Variants in ZNF626 observed in about 807,000 individuals in gnomAD.
ZNF626 encodes the protein CTC-513N18.7.
A neutral mutation model predicts 11.7 loss-of-function variants in ZNF626; 4 were observed. That is an observed-to-expected ratio of 0.34 (90% CI 0.17 to 0.78). The LOEUF (loss-of-function observed/expected upper bound fraction) is 0.78, where lower values mean the gene tolerates loss of function less well. ZNF626 is among the 30% of genes least tolerant of loss of function. ZNF626 has a pLI of 0.57. For missense variants in ZNF626, 588 were observed against 587.1 expected (o/e 1.00, Z -0.01); for synonymous variants, 179 against 198.6 (o/e 0.90, Z 0.83).
At chr19:20,637,566 TAG>T (rs1456487016) in intron 3 of ZNF626, among the ~76,000 whole-genome samples, 4 of 151,682 alleles carry the variant, frequency 2.6e-5, no homozygotes, top group East Asian at 1.9e-4. Context: ...CTGGAAAATG[TAG>T]AGACATAGTT....
intron 1 of ZNF626, among the ~76,000 whole-genome samples, chr19:20,646,691 T>A (rs1410391596): frequency 6.6e-6 from 1 of 152,222 alleles, no homozygotes; most frequent in Non-Finnish European, 1.5e-5. Flanking sequence ...AGTGCTATAG[T>A]TACATTATAC....
At chr19:20,629,587 A>G (rs1438409004) in intron 3 of ZNF626, among the ~76,000 whole-genome samples, 7 of 151,746 alleles carry the variant, frequency 4.6e-5, no homozygotes, top group Admixed American at 2.6e-4. Flanking sequence ...TCTGTCTGTT[A>G]TTGGTATATA....
At chr19:20,657,235 G>A (rs1555773209) in intron 1 of ZNF626, among the ~76,000 whole-genome samples, 2 of 152,092 alleles carry the variant, frequency 1.3e-5, no homozygotes, top group African/African-American at 4.8e-5. Context: ...AATTGGCCAG[G>A]CATGGTAATG....
rs61741861 is a variant in ZNF626 at position 20,625,568 on chromosome 19, A to G, written c.309T>C (p.Tyr103=). Residue 103 remains tyrosine, a synonymous_variant, in exon 4 of 4, where the codon TAT becomes TAC. Transcript: ENST00000601440. ...DSFQKVVLRR[Y]EKCEHDNLQL... is the part of the protein sequence containing the mutation. ...GTAAATTGTCATGTTCACATTTTTC[A>G]TATCTTCTCAGTACCACTTTTTGGA... 0.095 allele frequency: 153,436 copies of G among 1,611,434 alleles called. 7,861 individuals carry two copies. The highest frequency in any genetic ancestry group is 0.17 in the Middle Eastern group (1,043 of 6,042).
chr19:20,649,934 C>T (rs557475910), intron 1 of ZNF626, among the ~76,000 whole-genome samples: 41 of 152,334 alleles, frequency 2.7e-4, no homozygotes, highest in African/African-American at 9.4e-4. Context: ...ATAAGGACAA[C>T]CCATCTCCAT....
chr19:20,632,192 C>G (rs1295061991), intron 3 of ZNF626, among the ~76,000 whole-genome samples: 1 of 152,192 alleles, frequency 6.6e-6, no homozygotes, highest in Non-Finnish European at 1.5e-5. Flanking sequence ...TTGTGGATAA[C>G]CCGAGCTTTC....
intron 3 of ZNF626, among the ~76,000 whole-genome samples, chr19:20,633,049 A>AGT (rs1555770528): frequency 1.3e-5 from 2 of 152,074 alleles, no homozygotes; most frequent in African/African-American, 4.8e-5. Flanking sequence ...CTGGAGGTCC[A>AGT]CTCCAGACAC....
At position 20,624,797 on chromosome 19, in the gene ZNF626, C is replaced by CT; in HGVS notation, c.1079dup (p.Arg361GlufsTer12). ...AGGGTTTCTCTCCAGTATGAATTCTCTTATGTGTAGTAAGGGTAGAGGAGT... is the reference window on the plus strand; with the variant it reads ...AGGGTTTCTCTCCAGTATGAATTCTCTTTATGTGTAGTAAGGGTAGAGGAGT... On this transcript the variant is annotated frameshift_variant, in exon 4 of 4. Coordinates refer to ENST00000601440, the MANE Select transcript of ZNF626 (RefSeq NM_001076675.3). LOFTEE classifies it low-confidence loss of function (END_TRUNC). 1 of 1,613,580 alleles carries CT rather than the reference C, an allele frequency of 6.2e-7. No individual in the cohort carries two copies. Among genetic ancestry groups the CT allele is most frequent in the South Asian group, 1.1e-5 (1 of 91,056 alleles).
chr19:20,626,297 T>C (rs1284281079), intron 3 of ZNF626, among the ~76,000 whole-genome samples: 4 of 152,182 alleles, frequency 2.6e-5, no homozygotes, highest in Admixed American at 6.5e-5. Context: ...CAGGTAGCAT[T>C]TTGTTAATGT....
intron 3 of ZNF626, chr19:20,644,566 G>A (rs1555771725): frequency 6.5e-6 from 1 of 155,012 alleles, no homozygotes; most frequent in African/African-American, 2.4e-5. Flanking sequence ...AAAACTTGAA[G>A]AGGTGTCTGC....
chr19:20,632,239 A>G (rs143479689), intron 3 of ZNF626, among the ~76,000 whole-genome samples: 21,888 of 152,082 alleles, frequency 0.14, 1,714 homozygotes, highest in Middle Eastern at 0.19. Flanking sequence ...CTTCATTTCA[A>G]CTTTGGTGAA....
At position 20,646,292 on chromosome 19, in the gene ZNF626, G is replaced by A. The variant is rs1970076506; in HGVS notation, c.117C>T (p.Asn39=). 1 of 1,613,796 alleles carries A rather than the reference G, an allele frequency of 6.2e-7. No individual in the cohort carries two copies. The highest frequency in any genetic ancestry group is 1.7e-5 in the Admixed American group (1 of 59,970). Residue 39 remains asparagine (N), a synonymous_variant, in exon 2 of 4, where the codon AAC becomes AAT. Transcript: ENST00000601440. ...YRNVMLENYS[N]LVFLGITVSK... is the part of the protein sequence containing the mutation. ...AGTTATCCTCACCAAGGAAGACCAGGTTACTGTAGTTCTCTAACATCACAT... is the reference window on the plus strand; with the variant it reads ...AGTTATCCTCACCAAGGAAGACCAGATTACTGTAGTTCTCTAACATCACAT...
At chr19:20,625,883 A>C (rs10422011) in intron 3 of ZNF626, among the ~76,000 whole-genome samples, 3,058 of 152,276 alleles carry the variant, frequency 0.02, 122 homozygotes, top group African/African-American at 0.071. Context: ...GCACAATGCA[A>C]ACGGCCAAAT....
chr19:20,635,055 C>T (rs1555770799), intron 3 of ZNF626, among the ~76,000 whole-genome samples: 1 of 152,112 alleles, frequency 6.6e-6, no homozygotes, highest in East Asian at 1.9e-4. Context: ...GAATCTCATT[C>T]AGTTTTCAAA....
chr19:20,634,666 G>A (rs782662492), intron 3 of ZNF626, among the ~76,000 whole-genome samples: 1 of 147,104 alleles, frequency 6.8e-6, no homozygotes. Flanking sequence ...ATCGAAAAAG[G>A]AGTAATATTG....
Position 20,625,532 on chromosome 19 carries a change from T to A in ZNF626, c.345A>T (p.Lys115Asn). 1.2e-6 allele frequency: 2 copies of A among 1,612,624 alleles called. No individual in the cohort carries two copies. Among genetic ancestry groups the A allele is most frequent in the Non-Finnish European group, 1.7e-6 (2 of 1,179,446 alleles). The part of the protein sequence containing the change: ...KCEHDNLQLK[K>N]GCISVDECKV... ...TACACTCATCCACACTTATACATCC[T>A]TTTTTTAACTGTAAATTGTCATGTT... Residue 115 changes from lysine to asparagine, a missense_variant, in exon 4 of 4, where the codon AAA (lysine) becomes AAT (asparagine). Coordinates refer to ENST00000601440, the MANE Select transcript of ZNF626 (RefSeq NM_001076675.3).
intron 3 of ZNF626, among the ~76,000 whole-genome samples, chr19:20,642,533 T>A (rs1284265427): frequency 2.0e-5 from 3 of 148,748 alleles, no homozygotes; most frequent in African/African-American, 5.0e-5. Context: ...AAGGCGGAGG[T>A]TGCAGTGAGC....
In ZNF626 at chr19:20,646,297, T is replaced by C. The variant is rs146304113; in HGVS notation, c.112A>G (p.Ser38Gly). 1,021 of 1,614,026 alleles carry C rather than the reference T, an allele frequency of 6.3e-4. 3 individuals carry two copies. The highest frequency in any genetic ancestry group is 6.6e-4 in the Non-Finnish European group (779 of 1,179,942). ...TCCTCACCAAGGAAGACCAGGTTACTGTAGTTCTCTAACATCACATTCCTA... is the reference window on the plus strand; with the variant it reads ...TCCTCACCAAGGAAGACCAGGTTACCGTAGTTCTCTAACATCACATTCCTA... The part of the protein sequence containing the change: ...LYRNVMLENY[S>G]NLVFLGITVS... The change falls in exon 2 of 4, where the codon AGT (serine) becomes GGT (glycine). Residue 38 changes from serine to glycine, a missense_variant. Ser to Gly is a moderately conservative substitution (Grantham distance 56). This residue lies in a region of ZNF626 where 524 missense variants were observed against 470.1 expected (regional missense o/e 1.11). Transcript: ENST00000601440.
chr19:20,640,362 A>G (rs1481547534), intron 3 of ZNF626, among the ~76,000 whole-genome samples: 7 of 151,046 alleles, frequency 4.6e-5, no homozygotes, highest in Admixed American at 6.6e-5. Flanking sequence ...CAATTTTCTT[A>G]GATACAAAAT....
Sources: allele counts gnomAD v4.1 joint callset (sites outside exome capture counted in the v4.1 genomes callset), GRCh38; gene constraint gnomAD v4.1.1; regional missense constraint gnomAD v4.1.1; transcripts MANE v1.5; gene names NCBI Gene and HGNC (gene_info 2026-07-23, HGNC 2026-07-21).